CALD1: variants seen among roughly 807,000 people sequenced by gnomAD.
CALD1 encodes caldesmon.
CALD1 carries 33 observed loss-of-function variants against 99.9 expected under a neutral mutation model. The observed-to-expected ratio is 0.33, with a 90% CI of 0.25 to 0.44. The LOEUF (loss-of-function observed/expected upper bound fraction) is 0.44, where lower values mean the gene tolerates loss of function less well. CALD1 is among the 20% of genes least tolerant of loss of function. CALD1 has a pLI of 1.00. For missense variants in CALD1, 861 were observed against 962.1 expected, an observed-to-expected ratio of 0.89 and a Z score of 1.39; for synonymous variants, 310 against 325.0, an observed-to-expected ratio of 0.95 and a Z score of 0.50.
At chr7:134,728,111 G>A in the CALD1 span, among the ~76,000 whole-genome samples, 1 of 25,764 alleles carries the variant, frequency 3.9e-5, no homozygotes, top group African/African-American at 1.8e-4. Context: ...TCTAAAAAGA[G>A]AATGGTGATG....
At chr7:134,811,991 G>A (rs183581574) in intron 1 of CALD1, among the ~76,000 whole-genome samples, 1 of 152,286 alleles carries the variant, frequency 6.6e-6, no homozygotes. Flanking sequence ...AAAACAGAGA[G>A]ATAGCACTGA....
At chr7:134,859,417 G>A (rs1800466620) in intron 2 of CALD1, among the ~76,000 whole-genome samples, 1 of 152,174 alleles carries the variant, frequency 6.6e-6, no homozygotes. Context: ...AGAGCAGCAT[G>A]CCTATTCTGA....
At chr7:134,840,447 C>G (rs1310618073) in intron 1 of CALD1, among the ~76,000 whole-genome samples, 1 of 152,194 alleles carries the variant, frequency 6.6e-6, no homozygotes, top group Non-Finnish European at 1.5e-5. Context: ...GCTGAACTCT[C>G]CAAGTGTCCT....
intron 3 of CALD1, among the ~76,000 whole-genome samples, chr7:134,889,595 A>T (rs538639754): frequency 6.6e-6 from 1 of 152,308 alleles, no homozygotes; most frequent in East Asian, 1.9e-4. Flanking sequence ...AAGTAATTGA[A>T]GGGAAAAAAT....
chr7:134,805,311 A>G (rs1220557277), intron 1 of CALD1, among the ~76,000 whole-genome samples: 1 of 152,146 alleles, frequency 6.6e-6, no homozygotes, highest in Non-Finnish European at 1.5e-5. Flanking sequence ...TTTCTTAACT[A>G]TATTCTACTT....
intron 3 of CALD1, among the ~76,000 whole-genome samples, chr7:134,927,256 C>T (rs1805094186): frequency 6.6e-6 from 1 of 152,104 alleles, no homozygotes; most frequent in Admixed American, 6.6e-5. Context: ...TTAGGAGAAA[C>T]ATATCTAGCA....
intron 1 of CALD1, among the ~76,000 whole-genome samples, chr7:134,797,115 C>T (rs1265774948): frequency 6.6e-6 from 1 of 152,014 alleles, no homozygotes; most frequent in Non-Finnish European, 1.5e-5. Flanking sequence ...GCCTCAGCCT[C>T]CCAAGTAGCT....
At chr7:134,869,627 G>A (rs549549573) in intron 3 of CALD1, among the ~76,000 whole-genome samples, 2 of 152,300 alleles carry the variant, frequency 1.3e-5, no homozygotes, top group South Asian at 2.1e-4. Flanking sequence ...CCTAAATGGA[G>A]GATTTCCTTC....
At chr7:134,796,818 C>T (rs1276023789) in intron 1 of CALD1, among the ~76,000 whole-genome samples, 1 of 152,086 alleles carries the variant, frequency 6.6e-6, no homozygotes, top group African/African-American at 2.4e-5. Context: ...AACTCCTGGC[C>T]CCAAGTGATC....
At chr7:134,960,494 C>T in intron 12 of CALD1, 39 bp from the exon 13 acceptor site, 1 of 1,229,514 alleles carries the variant, frequency 8.1e-7, no homozygotes, top group Non-Finnish European at 1.2e-6. Context: ...GTAAAGTTTA[C>T]TTCATTCTTT....
intron 2 of CALD1, among the ~76,000 whole-genome samples, chr7:134,858,796 C>T (rs1800432643): frequency 6.6e-6 from 1 of 152,092 alleles, no homozygotes; most frequent in African/African-American, 2.4e-5. Context: ...TCTCAATCCC[C>T]TGACCTTGTG....
intron 3 of CALD1, among the ~76,000 whole-genome samples, chr7:134,877,620 T>C (rs1329435677): frequency 6.6e-6 from 1 of 152,244 alleles, no homozygotes; most frequent in African/African-American, 2.4e-5. Flanking sequence ...GTACATACTT[T>C]TTTCCTTGTC....
At chr7:134,723,387 T>G in the CALD1 span, among the ~76,000 whole-genome samples, 6 of 152,160 alleles carry the variant, frequency 3.9e-5, no homozygotes, top group African/African-American at 1.4e-4. Context: ...TGTCCTGACA[T>G]TAATTGAGTT....
intron 3 of CALD1, among the ~76,000 whole-genome samples, chr7:134,876,849 C>G (rs764987748): frequency 1.3e-5 from 2 of 152,092 alleles, no homozygotes; most frequent in Admixed American, 6.6e-5. Flanking sequence ...AACAGAGAAA[C>G]TTATATTTTA....
chr7:134,719,761 G>A, the CALD1 span, among the ~76,000 whole-genome samples: 2 of 152,182 alleles, frequency 1.3e-5, no homozygotes, highest in Non-Finnish European at 2.9e-5. Flanking sequence ...GTTTGGACAA[G>A]GTGACAGAAG....
In CALD1 at chr7:134,807,924, G is replaced by A. The variant is rs1227321175; in HGVS notation, c.-130+28175G>A. ...ATTACAAGCGTAAGCCACCGTGCCC[G>A]GCCGATTATCTCCAATTTTTAGATG... On this transcript the variant is annotated intron_variant, in intron 1 of 14. Coordinates refer to ENST00000361675, the MANE Select transcript of CALD1 (RefSeq NM_033138.4). 7.2e-5 allele frequency among the ~76,000 whole-genome samples: 11 copies of A among 151,962 alleles called. No homozygotes were observed. In the East Asian group the frequency reaches 1.6e-3, roughly 21 times the overall value.
At chr7:134,955,453 G>C (rs1221567417) in intron 9 of CALD1, among the ~76,000 whole-genome samples, 3 of 152,180 alleles carry the variant, frequency 2.0e-5, no homozygotes, top group Non-Finnish European at 4.4e-5. Context: ...AAATACCATA[G>C]ACTGGATGGA....
chr7:134,732,817 A>T, the CALD1 span, among the ~76,000 whole-genome samples: 1 of 152,364 alleles, frequency 6.6e-6, no homozygotes, highest in Non-Finnish European at 1.5e-5. Context: ...AGTAACAAAA[A>T]TCCTCTAACT....
At chr7:134,731,612 T>A in the CALD1 span, among the ~76,000 whole-genome samples, 1 of 152,108 alleles carries the variant, frequency 6.6e-6, no homozygotes, top group Non-Finnish European at 1.5e-5. Flanking sequence ...TCCCTGATAA[T>A]GTACTATTTT....
Sources: gnomAD v4.1 joint callset for allele counts (sites outside exome capture counted in the v4.1 genomes callset) on GRCh38, gnomAD v4.1.1 for gene constraint, MANE v1.5 for transcripts, NCBI Gene and HGNC (gene_info 2026-07-23, HGNC 2026-07-21) for gene names.